AGBL1: variants seen among roughly 807,000 people sequenced by gnomAD.
AGBL1 encodes the protein cytosolic carboxypeptidase 4.
In AGBL1, 130 loss-of-function variants were observed where a neutral mutation model predicts 118.9. That is an observed-to-expected ratio of 1.09 (90% CI 0.95 to 1.26). The LOEUF (loss-of-function observed/expected upper bound fraction) is 1.26, where lower values mean the gene tolerates loss of function less well. Among genes scored for constraint, AGBL1 ranks in the 50% most tolerant of loss-of-function variants. AGBL1 has a pLI of 0.00. For missense variants in AGBL1, 1,584 were observed against 1,298.1 expected (o/e 1.22, Z -3.38); for synonymous variants, 555 against 478.9 (o/e 1.16, Z -2.08).
chr15:86,949,992 A>C (rs1465922181), intron 23 of AGBL1, among the ~76,000 whole-genome samples: 4 of 152,098 alleles, frequency 2.6e-5, no homozygotes, highest in Admixed American at 2.0e-4. Context: ...AATCAATAAC[A>C]AAAAGTAAAT....
intron 17 of AGBL1, among the ~76,000 whole-genome samples, chr15:86,322,264 C>G (rs925197869): frequency 6.6e-6 from 1 of 151,836 alleles, no homozygotes; most frequent in African/African-American, 2.4e-5. Flanking sequence ...AAATCTTCCA[C>G]TACAACAAGA....
intron 5 of AGBL1, among the ~76,000 whole-genome samples, chr15:86,192,131 C>T (rs2077732913): frequency 6.6e-6 from 1 of 151,502 alleles, no homozygotes; most frequent in Non-Finnish European, 1.5e-5. Flanking sequence ...TACACACACA[C>T]CCACACACAT....
chr15:86,229,697 A>C (rs1308720531), intron 6 of AGBL1, among the ~76,000 whole-genome samples: 1 of 151,904 alleles, frequency 6.6e-6, no homozygotes, highest in Non-Finnish European at 1.5e-5. Flanking sequence ...ACCTTCCATG[A>C]GCATTAGGCA....
At chr15:86,350,503 G>A (rs1035306091) in intron 17 of AGBL1, among the ~76,000 whole-genome samples, 2 of 152,208 alleles carry the variant, frequency 1.3e-5, no homozygotes, top group East Asian at 1.9e-4. Context: ...GTAAGACAAT[G>A]TTTCTGACCC....
At chr15:86,138,547 C>T (rs964393760) in intron 1 of AGBL1, among the ~76,000 whole-genome samples, 1 of 152,200 alleles carries the variant, frequency 6.6e-6, no homozygotes, top group African/African-American at 2.4e-5. Context: ...AGCTTGGTGG[C>T]TGGAATGTAG....
intron 24 of AGBL1, among the ~76,000 whole-genome samples, chr15:86,998,569 T>C (rs566209153): frequency 5.9e-5 from 9 of 152,328 alleles, no homozygotes; most frequent in African/African-American, 4.8e-5. Context: ...CTTAGAGAAA[T>C]TGAAAATAAT....
At chr15:86,779,948 C>T (rs1337090239) in intron 22 of AGBL1, among the ~76,000 whole-genome samples, 2 of 151,898 alleles carry the variant, frequency 1.3e-5, no homozygotes, top group South Asian at 2.1e-4. Flanking sequence ...CACACCCCTA[C>T]ACTTTTCACT....
At chr15:86,185,542 G>A (rs964951427) in intron 5 of AGBL1, among the ~76,000 whole-genome samples, 20 of 152,086 alleles carry the variant, frequency 1.3e-4, no homozygotes, top group African/African-American at 4.3e-4. Context: ...TTAAGAAAAC[G>A]TGGGACATAT....
chr15:86,439,327 C>T (rs979772329), intron 18 of AGBL1, among the ~76,000 whole-genome samples: 2 of 152,116 alleles, frequency 1.3e-5, no homozygotes, highest in Admixed American at 6.5e-5. Flanking sequence ...AATTACATTT[C>T]CCCCCACATG....
At chr15:86,941,196 A>G (rs139927876) in intron 23 of AGBL1, among the ~76,000 whole-genome samples, 1 of 152,190 alleles carries the variant, frequency 6.6e-6, no homozygotes, top group Non-Finnish European at 1.5e-5. Context: ...GAAGAGCACA[A>G]ACTCTTTGGC....
At chr15:86,790,243 C>T (rs545728241) in intron 22 of AGBL1, among the ~76,000 whole-genome samples, 1 of 152,068 alleles carries the variant, frequency 6.6e-6, no homozygotes, top group South Asian at 2.1e-4. Flanking sequence ...TTCATCAAGG[C>T]ATTTGGGTAA....
At chr15:86,953,149 G>A (rs1364486635) in intron 23 of AGBL1, among the ~76,000 whole-genome samples, 1 of 152,022 alleles carries the variant, frequency 6.6e-6, no homozygotes, top group Non-Finnish European at 1.5e-5. Flanking sequence ...TGGCTATTTT[G>A]GCTCTTTTTT....
At chr15:86,566,098 C>T (rs1240415985) in intron 21 of AGBL1, among the ~76,000 whole-genome samples, 1 of 105,232 alleles carries the variant, frequency 9.5e-6, no homozygotes, top group Non-Finnish European at 1.9e-5. Context: ...GATGCCTCGC[C>T]CTGCTTTGGC....
At chr15:86,545,533 C>T (rs1221467247) in intron 19 of AGBL1, among the ~76,000 whole-genome samples, 1 of 151,996 alleles carries the variant, frequency 6.6e-6, no homozygotes, top group Non-Finnish European at 1.5e-5. Flanking sequence ...GTTATTTTTC[C>T]TTATCCTCTC....
At chr15:86,141,082 G>T (rs916599449) in intron 1 of AGBL1, among the ~76,000 whole-genome samples, 1 of 152,200 alleles carries the variant, frequency 6.6e-6, no homozygotes, top group Non-Finnish European at 1.5e-5. Context: ...GCGCTGGCCT[G>T]ATTTTGGGAG....
chr15:86,114,807 C>G lies in AGBL1; in HGVS notation c.52-27197C>G, dbSNP rs75015629. Among the ~76,000 whole-genome samples, 1,090 of 152,306 alleles carry G rather than the reference C, an allele frequency of 7.2e-3. 8 individuals carry two copies. Among genetic ancestry groups the G allele is most frequent in the Middle Eastern group, 0.017 (5 of 294 alleles). On this transcript the variant is annotated intron_variant, in intron 1 of 22. Transcript: ENST00000614907. ...AACTGTTTGCATGCATGGGACAATTCGTATCCTATAACGAGATGCTGAGGT... is the reference window on the plus strand; with the variant it reads ...AACTGTTTGCATGCATGGGACAATTGGTATCCTATAACGAGATGCTGAGGT...
At chr15:86,621,662 C>T (rs1392182350) in intron 21 of AGBL1, among the ~76,000 whole-genome samples, 3 of 152,222 alleles carry the variant, frequency 2.0e-5, no homozygotes, top group South Asian at 2.1e-4. Flanking sequence ...AATCAGCTCA[C>T]ATTTACAGGA....
intron 16 of AGBL1, among the ~76,000 whole-genome samples, chr15:86,288,341 G>A (rs1019856895): frequency 5.9e-5 from 9 of 152,108 alleles, no homozygotes; most frequent in African/African-American, 2.2e-4. Flanking sequence ...CTGATATTCT[G>A]ATGGAGACAT....
chr15:86,975,070 T>A (rs2081159827), intron 23 of AGBL1, among the ~76,000 whole-genome samples: 1 of 152,100 alleles, frequency 6.6e-6, no homozygotes, highest in Non-Finnish European at 1.5e-5. Flanking sequence ...GACCAAGTAA[T>A]CCTCCCCTCA....
Sources: gnomAD v4.1 joint callset for allele counts (sites outside exome capture counted in the v4.1 genomes callset) on GRCh38, gnomAD v4.1.1 for gene constraint, MANE v1.5 for transcripts, NCBI Gene and HGNC (gene_info 2026-07-23, HGNC 2026-07-21) for gene names.